PRDM1: variants seen among roughly 807,000 people sequenced by gnomAD.
PRDM1 encodes PR domain zinc finger protein 1.
PRDM1 carries 13 observed loss-of-function variants against 62.8 expected under a neutral mutation model. That is an observed-to-expected ratio of 0.21 (90% confidence interval 0.13 to 0.33). PRDM1 has a LOEUF of 0.33. PRDM1 is among the 10% of genes least tolerant of loss of function. The probability of loss-of-function intolerance (pLI) is 1.00; values close to 1 mark genes in which losing one functional copy is unlikely to be tolerated. For synonymous variants in PRDM1, 396 were observed against 417.6 expected (o/e 0.95, Z 0.63); for missense variants, 895 against 1,058.8 (o/e 0.85, Z 2.15).
At chr6:106,104,154 A>G (rs1202175086) in intron 4 of PRDM1, among the ~76,000 whole-genome samples, 3 of 151,866 alleles carry the variant, frequency 2.0e-5, no homozygotes. Flanking sequence ...ACTTTTATTA[A>G]CCTATGACAG....
intron 1 of PRDM1, among the ~76,000 whole-genome samples, chr6:106,041,506 G>A (rs539090720): frequency 6.6e-6 from 1 of 152,170 alleles, no homozygotes; most frequent in South Asian, 2.1e-4. Flanking sequence ...ACTAATTATA[G>A]AGAGTTTGGA....
chr6:106,014,754 A>T (rs549317647), intron 1 of PRDM1, among the ~76,000 whole-genome samples: 17 of 150,784 alleles, frequency 1.1e-4, no homozygotes, highest in Non-Finnish European at 1.5e-4. Context: ...GATAGAACAC[A>T]TTTTTTTTTA....
chr6:106,041,956 T>A (rs7766634), intron 1 of PRDM1, among the ~76,000 whole-genome samples: 80,243 of 150,310 alleles, frequency 0.53, 21,935 homozygotes, highest in East Asian at 0.79. Flanking sequence ...CACAGGTGCA[T>A]GCCACCGTGT....
At chr6:105,997,407 G>A (rs1772361333) in intron 1 of PRDM1, among the ~76,000 whole-genome samples, 2 of 152,150 alleles carry the variant, frequency 1.3e-5, no homozygotes, top group South Asian at 2.1e-4. Context: ...TTCTCAGTTC[G>A]TTCTCTCTTT....
intron 1 of PRDM1, among the ~76,000 whole-genome samples, chr6:106,009,118 C>T (rs1772515533): frequency 6.6e-6 from 1 of 152,194 alleles, no homozygotes; most frequent in African/African-American, 2.4e-5. Context: ...CCCTAGAACA[C>T]TTGCGTAGGG....
At chr6:106,039,977 C>A (rs1418053081) in intron 1 of PRDM1, among the ~76,000 whole-genome samples, 1 of 152,246 alleles carries the variant, frequency 6.6e-6, no homozygotes, top group Non-Finnish European at 1.5e-5. Context: ...AATTCTCCGT[C>A]TCCATCCCTC....
rs1308748674 is a variant in PRDM1, at chr6:106,086,515, G to A, written c.-39G>A. Reference sequence around the variant, plus strand: ...CTCAGCCTGGCGGGGGACGCGGGGAGAATGTGGACTGGGTAGAGATGAACG... The same window carrying A: ...CTCAGCCTGGCGGGGGACGCGGGGAAAATGTGGACTGGGTAGAGATGAACG... On this transcript the variant is annotated 5_prime_UTR_variant, in exon 1 of 7. Transcript: ENST00000369096. 1.9e-6 allele frequency: 3 copies of A among 1,542,070 alleles called. No individual in the cohort carries two copies. The highest frequency in any genetic ancestry group is 2.4e-5 in the East Asian group (1 of 40,868).
chr6:106,095,450 T>C (rs886702927), intron 2 of PRDM1, among the ~76,000 whole-genome samples, 165 bp from the exon 3 acceptor site: 1 of 152,214 alleles, frequency 6.6e-6, no homozygotes, highest in African/African-American at 2.4e-5. Flanking sequence ...TCTCCCCCTA[T>C]GGTGAAGCTT....
At chr6:106,088,068 C>T (rs964803645) in intron 1 of PRDM1, 133 bp from the exon 2 acceptor site, 7 of 971,926 alleles carry the variant, frequency 7.2e-6, no homozygotes, top group Admixed American at 4.5e-5. Flanking sequence ...CTTCTTGGCT[C>T]TTTCTCAACT....
At chr6:105,993,507 T>C (rs977515982) in exon 1 of PRDM1, among the ~76,000 whole-genome samples, 4 of 152,144 alleles carry the variant, frequency 2.6e-5, no homozygotes, top group African/African-American at 9.6e-5. Context: ...GCTTGCTTTC[T>C]AGGTTCATCT....
intron 1 of PRDM1, among the ~76,000 whole-genome samples, chr6:106,069,085 T>C (rs1773474832): frequency 6.6e-6 from 1 of 152,192 alleles, no homozygotes; most frequent in South Asian, 2.1e-4. Context: ...CTTTGGATGG[T>C]CACTTTGCCT....
At chr6:106,043,432 T>G (rs1461695425) in intron 1 of PRDM1, among the ~76,000 whole-genome samples, 2 of 152,168 alleles carry the variant, frequency 1.3e-5, no homozygotes, top group Non-Finnish European at 2.9e-5. Flanking sequence ...GTTGGCTAAC[T>G]GAATGAATGA....
chr6:106,092,145 AAAC>A (rs1035329697), intron 2 of PRDM1, among the ~76,000 whole-genome samples: 12 of 147,382 alleles, frequency 8.1e-5, no homozygotes, highest in African/African-American at 2.2e-4. Flanking sequence ...AAAAAAAAAA[AAAC>A]AAACCTATAT....
At position 106,106,332 on chromosome 6, in the gene PRDM1, A is replaced by C; in HGVS notation, c.1774-39A>C. ...AGCAGAAATGTTAGGTCTCAGAGCCAGCTTGAGAGCAGAGCTAACACATGT... is the reference window on the plus strand; with the variant it reads ...AGCAGAAATGTTAGGTCTCAGAGCCCGCTTGAGAGCAGAGCTAACACATGT... On this transcript the variant is annotated intron_variant, in intron 5 of 6. Transcript: ENST00000369096. The surrounding 1 kb of genome is among the most constrained non-coding windows in gnomAD (Gnocchi z 4.4). 1 of 1,608,624 alleles carries C rather than the reference A, an allele frequency of 6.2e-7. No homozygotes were observed. The highest frequency in any genetic ancestry group is 8.5e-7 in the Non-Finnish European group (1 of 1,175,884).
At chr6:106,060,361 G>T (rs889898140) in intron 1 of PRDM1, among the ~76,000 whole-genome samples, 2 of 152,190 alleles carry the variant, frequency 1.3e-5, no homozygotes, top group Admixed American at 6.5e-5. Context: ...CATTCATTTG[G>T]TAACTTGGAA....
chr6:106,007,066 A>G (rs1417384183), intron 1 of PRDM1, among the ~76,000 whole-genome samples: 1 of 151,626 alleles, frequency 6.6e-6, no homozygotes, highest in African/African-American at 2.4e-5. Context: ...CTTCTGAGTG[A>G]TTTCTCTCTC....
chr6:106,105,301 T>C lies in PRDM1; in HGVS notation c.1141T>C (p.Tyr381His), dbSNP rs78927371. The change falls in exon 5 of 7, where the codon TAC becomes CAC. Residue 381 changes from tyrosine (Y) to histidine (H), a missense_variant. Coordinates refer to ENST00000369096, the MANE Select transcript of PRDM1 (RefSeq NM_001198.4). ...RDSYAYLNAS[Y>H]GTEGLGSYPG... is the part of the protein sequence containing the mutation. Reference sequence around the variant, plus strand: ...CTCCTACGCTTACTTGAACGCGTCCTACGGCACGGAAGGTTTGGGCTCCTA... The same window carrying C: ...CTCCTACGCTTACTTGAACGCGTCCCACGGCACGGAAGGTTTGGGCTCCTA... The C allele has an allele frequency of 9.4e-4, 1,519 of 1,613,546 alleles. 15 individuals carry two copies. In the African/African-American group the frequency reaches 0.018, roughly 19 times the overall value.
chr6:106,105,283 G>A lies in PRDM1; in HGVS notation c.1123G>A (p.Ala375Thr), dbSNP rs748639953. 1.9e-6 allele frequency: 3 copies of A among 1,613,680 alleles called. No homozygotes were observed. Among genetic ancestry groups the A allele is most frequent in the East Asian group, 2.2e-5 (1 of 44,868 alleles). Reference sequence around the variant, plus strand: ...CTCTCAAGAGCACCGGGACTCCTACGCTTACTTGAACGCGTCCTACGGCAC... The same window carrying A: ...CTCTCAAGAGCACCGGGACTCCTACACTTACTTGAACGCGTCCTACGGCAC... ...PGSQEHRDSY[A>T]YLNASYGTEG... Residue 375 changes from alanine to threonine, a missense_variant, in exon 5 of 7, where the codon GCT (alanine) becomes ACT (threonine). Ala to Thr is a moderately conservative substitution (Grantham distance 58). Transcript: ENST00000369096.
chr6:106,006,607 A>G (rs1298887305), intron 1 of PRDM1, among the ~76,000 whole-genome samples: 3 of 151,972 alleles, frequency 2.0e-5, no homozygotes, highest in African/African-American at 7.2e-5. Flanking sequence ...AAATAAAAAG[A>G]GGGAAGAAAA....
Sources: gnomAD v4.1 joint callset for allele counts (sites outside exome capture counted in the v4.1 genomes callset) on GRCh38, gnomAD v4.1.1 for gene constraint, Gnocchi (gnomAD v3.1) non-coding constraint, MANE v1.5 for transcripts, NCBI Gene and HGNC (gene_info 2026-07-23, HGNC 2026-07-21) for gene names.